Variants in LPAR6 observed in about 807,000 individuals in gnomAD.
The protein encoded by LPAR6 is lysophosphatidic acid receptor 6, also known as G-protein coupled purinergic receptor P2Y5.
LPAR6 carries 17 observed loss-of-function variants against 22.0 expected under a neutral mutation model. The ratio of observed to expected loss-of-function variants is 0.77; its 90% CI spans 0.53 to 1.16. The LOEUF (loss-of-function observed/expected upper bound fraction) is 1.16. LPAR6 is among the 50% of genes most tolerant of loss of function. The probability of loss-of-function intolerance (pLI) is 0.00; values close to 1 mark genes in which losing one functional copy is unlikely to be tolerated. For missense variants in LPAR6, 384 were observed against 406.9 expected (o/e 0.94, Z 0.48); for synonymous variants, 136 against 139.8 (o/e 0.97, Z 0.19).
In LPAR6 at chr13:48,424,895, A is replaced by T. The variant is rs1057490851; in HGVS notation, c.-1095+1964T>A. Among the ~76,000 whole-genome samples the T allele has an allele frequency of 5.3e-5, 8 of 152,196 alleles. No individual in the cohort carries two copies. The East Asian group carries it at 1.5e-3, about 29-fold the overall frequency. On this transcript the variant is annotated intron_variant, in intron 1 of 4. Transcript: ENST00000345941. ...TGGTGAAACTCTGTCTCTACTAAAA[A>T]TACAAAATGTTATCCAGGTGTGGTG...
intron 1 of LPAR6, among the ~76,000 whole-genome samples, chr13:48,398,475 C>T (rs2156910): frequency 0.83 from 126,817 of 151,948 alleles, 56,422 homozygotes; most frequent in East Asian, 1. Context: ...ATACTGAGCA[C>T]TTTCTCCTTT....
At chr13:48,392,202 C>G (rs942208678) in intron 1 of LPAR6, among the ~76,000 whole-genome samples, 1 of 152,070 alleles carries the variant, frequency 6.6e-6, no homozygotes, top group Non-Finnish European at 1.5e-5. Context: ...CCTCTGCCTC[C>G]CAGGTTCAAG....
downstream of LPAR6, among the ~76,000 whole-genome samples, chr13:48,409,737 C>T (rs183859060): frequency 4.6e-5 from 7 of 151,876 alleles, no homozygotes; most frequent in Admixed American, 3.9e-4. Flanking sequence ...TGTGCCACCA[C>T]ACCCAGCTAA....
At chr13:48,420,962 AAAGT>A (rs1948996284) in intron 2 of LPAR6, among the ~76,000 whole-genome samples, 2 of 152,218 alleles carry the variant, frequency 1.3e-5, no homozygotes, top group African/African-American at 4.8e-5. Flanking sequence ...CATACCACTC[AAAGT>A]AATTTATAGA....
chr13:48,438,749 GAATT>G (rs1157375956), intron 1 of LPAR6, among the ~76,000 whole-genome samples: 1 of 152,068 alleles, frequency 6.6e-6, no homozygotes, highest in Non-Finnish European at 1.5e-5. Flanking sequence ...TTTGTTGTGA[GAATT>G]AAATAATATA....
At chr13:48,404,379 A>G (rs1948720477) in intron 1 of LPAR6, 1 of 152,072 alleles carries the variant, frequency 6.6e-6, no homozygotes, top group Non-Finnish European at 1.5e-5. Context: ...TCAGTTCAAT[A>G]TTTATTCATT....
At chr13:48,399,893 CAG>C (rs1459718280) in intron 1 of LPAR6, among the ~76,000 whole-genome samples, 1 of 151,874 alleles carries the variant, frequency 6.6e-6, no homozygotes, top group Non-Finnish European at 1.5e-5. Flanking sequence ...GAAAAAATGC[CAG>C]AGTTTACTGT....
chr13:48,412,050 T>G lies in LPAR6; in HGVS notation c.374A>C (p.Lys125Thr). The G allele has an allele frequency of 6.2e-7, 1 of 1,613,294 alleles. No homozygotes were observed. Among genetic ancestry groups the G allele is most frequent in the Non-Finnish European group, 8.5e-7 (1 of 1,179,728 alleles). The change falls in exon 1 of 1, where the codon AAG (lysine) becomes ACG (threonine). Residue 125 changes from lysine to threonine, a missense_variant. Transcript: ENST00000620633. ...TGCATTTCTTTTGGTTCTTAGAGTC[T>G]TTGACTTAAATGGGTAGACAATTGC... ...FLAIVYPFKS[K>T]TLRTKRNAKI...
intron 1 of LPAR6, among the ~76,000 whole-genome samples, chr13:48,425,575 A>G (rs1949067976): frequency 6.6e-6 from 1 of 152,162 alleles, no homozygotes; most frequent in South Asian, 2.1e-4. Context: ...CCAAGTTACT[A>G]AAAATTAATG....
At position 48,438,467 on chromosome 13, in the gene LPAR6, A is replaced by G. The variant is rs545082682; in HGVS notation, c.-1474+6086T>C. On this transcript the variant is annotated intron_variant, in intron 1 of 6. Coordinates refer to the LPAR6 transcript ENST00000378434. ...TTCTCTAATGCTCCTAATCTGAGTT[A>G]GTTGTCTCTTCTGATTTTCATGGCA... 2.0e-5 allele frequency among the ~76,000 whole-genome samples: 3 copies of G among 152,270 alleles called. No homozygotes were observed. In the East Asian group the frequency reaches 5.8e-4, roughly 29 times the overall value.
intron 1 of LPAR6, among the ~76,000 whole-genome samples, chr13:48,434,061 T>A (rs1949158545): frequency 6.6e-6 from 1 of 152,068 alleles, no homozygotes; most frequent in Non-Finnish European, 1.5e-5. Flanking sequence ...TATATGTTCT[T>A]AAAATGTTGA....
chr13:48,423,338 G>A (rs1052301028), intron 1 of LPAR6, among the ~76,000 whole-genome samples: 4 of 151,972 alleles, frequency 2.6e-5, no homozygotes, highest in South Asian at 2.1e-4. Context: ...GCAGTGGCGC[G>A]ATCTCGGCTC....
intron 1 of LPAR6, chr13:48,401,530 T>C (rs1282972678): frequency 6.6e-6 from 1 of 152,206 alleles, no homozygotes; most frequent in East Asian, 1.9e-4. Context: ...AGAACAACTT[T>C]TTGGCATTTC....
intron 1 of LPAR6, among the ~76,000 whole-genome samples, chr13:48,437,621 G>T (rs1226050575): frequency 6.6e-6 from 1 of 152,160 alleles, no homozygotes; most frequent in Non-Finnish European, 1.5e-5. Flanking sequence ...TTCTTTGCTG[G>T]CTGATGGCCA....
intron 1 of LPAR6, chr13:48,424,007 A>T (rs901721418): frequency 1.2e-4 from 18 of 152,696 alleles, no homozygotes. Context: ...GTCATTTTGC[A>T]TGCAGCAAAT....
chr13:48,439,263 T>C (rs1949213892), intron 1 of LPAR6, among the ~76,000 whole-genome samples: 1 of 152,182 alleles, frequency 6.6e-6, no homozygotes, highest in Non-Finnish European at 1.5e-5. Flanking sequence ...TTAAATGAGA[T>C]AATATATGTA....
At chr13:48,442,040 C>T (rs866570349) in intron 1 of LPAR6, among the ~76,000 whole-genome samples, 1 of 152,074 alleles carries the variant, frequency 6.6e-6, no homozygotes, top group Non-Finnish European at 1.5e-5. Flanking sequence ...TCTATTCAGT[C>T]GTAACCCACT....
intron 1 of LPAR6, among the ~76,000 whole-genome samples, chr13:48,439,117 C>A (rs1481305281): frequency 1.3e-5 from 2 of 152,160 alleles, no homozygotes; most frequent in Non-Finnish European, 2.9e-5. Flanking sequence ...AGTATAGCAG[C>A]TAACGGCACA....
chr13:48,396,502 T>C (rs1948649476), intron 1 of LPAR6, among the ~76,000 whole-genome samples: 1 of 152,144 alleles, frequency 6.6e-6, no homozygotes, highest in Non-Finnish European at 1.5e-5. Context: ...TAACTCAAAA[T>C]GGATTAAAGA....
Sources: allele counts gnomAD v4.1 joint callset (sites outside exome capture counted in the v4.1 genomes callset), GRCh38; gene constraint gnomAD v4.1.1; transcripts MANE v1.5; gene names NCBI Gene and HGNC (gene_info 2026-07-23, HGNC 2026-07-21).